The following FHIT variants were observed in gnomAD, a reference collection of about 807,000 sequenced individuals.
The protein encoded by FHIT is fragile histidine triad diadenosine triphosphatase.
FHIT carries 19 observed loss-of-function variants against 17.9 expected under a neutral mutation model. That is an observed-to-expected ratio of 1.06 (90% CI 0.74 to 1.56). The LOEUF (loss-of-function observed/expected upper bound fraction) is 1.56. FHIT is among the 40% of genes most tolerant of loss of function. FHIT has a pLI of 0.00. For missense variants in FHIT, 248 were observed against 189.2 expected, an observed-to-expected ratio of 1.31 and a Z score of -1.82; for synonymous variants, 81 against 69.7, an observed-to-expected ratio of 1.16 and a Z score of -0.81.
chr3:59,874,562 T>A (rs930378586), intron 8 of FHIT, among the ~76,000 whole-genome samples: 22 of 152,164 alleles, frequency 1.4e-4, no homozygotes, highest in African/African-American at 5.3e-4. Flanking sequence ...GCTCCCTGCT[T>A]ATTCCCTCAC....
At chr3:59,934,493 G>C (rs1006626555) in intron 7 of FHIT, among the ~76,000 whole-genome samples, 1 of 152,024 alleles carries the variant, frequency 6.6e-6, no homozygotes, top group African/African-American at 2.4e-5. Flanking sequence ...ATTATCTTTT[G>C]GCTTCTGATT....
chr3:60,159,220 A>C (rs1284564245), intron 5 of FHIT, among the ~76,000 whole-genome samples: 1 of 152,264 alleles, frequency 6.6e-6, no homozygotes, highest in East Asian at 1.9e-4. Flanking sequence ...TCCTGGGCTC[A>C]GATGATCCTC....
chr3:60,674,748 C>T (rs1267646378), intron 4 of FHIT, among the ~76,000 whole-genome samples: 1 of 152,168 alleles, frequency 6.6e-6, no homozygotes, highest in Non-Finnish European at 1.5e-5. Context: ...CGTCTCCCAT[C>T]TCTGGGCAAC....
At chr3:60,743,879 T>A (rs577986740) in intron 4 of FHIT, among the ~76,000 whole-genome samples, 1 of 152,156 alleles carries the variant, frequency 6.6e-6, no homozygotes, top group Non-Finnish European at 1.5e-5. Flanking sequence ...GCTCGCTCTG[T>A]TTGGCTGGAC....
intron 5 of FHIT, among the ~76,000 whole-genome samples, chr3:60,284,541 T>C (rs988069482): frequency 6.6e-6 from 1 of 152,128 alleles, no homozygotes; most frequent in Non-Finnish European, 1.5e-5. Context: ...AATCATGTTA[T>C]GAAACATGGT....
At chr3:59,892,606 A>G (rs555214052) in intron 8 of FHIT, among the ~76,000 whole-genome samples, 52 of 152,328 alleles carry the variant, frequency 3.4e-4, no homozygotes, top group African/African-American at 1.2e-3. Context: ...ACAAGATTAC[A>G]AAGTAGTATT....
chr3:60,203,385 T>A (rs1207924598), intron 5 of FHIT, among the ~76,000 whole-genome samples: 1 of 152,164 alleles, frequency 6.6e-6, no homozygotes, highest in African/African-American at 2.4e-5. Flanking sequence ...TGTATGATAA[T>A]AAATATCCCT....
intron 5 of FHIT, among the ~76,000 whole-genome samples, chr3:60,535,365 T>G (rs2107596433): frequency 6.6e-6 from 1 of 152,310 alleles, no homozygotes; most frequent in African/African-American, 2.4e-5. Context: ...AAAAGTCAGT[T>G]AAAGCTGGCA....
chr3:60,466,246 T>C (rs1161865589), intron 5 of FHIT, among the ~76,000 whole-genome samples: 2 of 152,118 alleles, frequency 1.3e-5, no homozygotes, highest in South Asian at 2.1e-4. Context: ...ATCTTGCAAC[T>C]GTACTCAATT....
intron 3 of FHIT, among the ~76,000 whole-genome samples, chr3:60,944,933 G>A (rs1171070452): frequency 6.6e-6 from 1 of 152,138 alleles, no homozygotes; most frequent in Non-Finnish European, 1.5e-5. Context: ...AGGCACTAAG[G>A]ATACAGAAGT....
intron 8 of FHIT, among the ~76,000 whole-genome samples, chr3:59,769,563 T>C (rs1187122719): frequency 6.6e-6 from 1 of 152,212 alleles, no homozygotes; most frequent in African/African-American, 2.4e-5. Context: ...TCAGTATATA[T>C]AATTACTTAC....
intron 2 of FHIT, among the ~76,000 whole-genome samples, chr3:61,093,841 G>C (rs376044544): frequency 3.9e-5 from 6 of 152,268 alleles, no homozygotes; most frequent in African/African-American, 1.2e-4. Flanking sequence ...TCAACCCTAA[G>C]AGTTAGGTAC....
At chr3:60,216,795 CT>C (rs1703719414) in intron 5 of FHIT, among the ~76,000 whole-genome samples, 2 of 152,206 alleles carry the variant, frequency 1.3e-5, no homozygotes, top group Middle Eastern at 3.4e-3. Flanking sequence ...TCTGCTTACC[CT>C]TTCCTGCTAC....
chr3:60,109,142 G>GTAGA (rs34381141), intron 5 of FHIT, among the ~76,000 whole-genome samples: 1 of 151,738 alleles, frequency 6.6e-6, no homozygotes, highest in Non-Finnish European at 1.5e-5. Flanking sequence ...GTAGGGGCAG[G>GTAGA]GAGAGAGAGA....
chr3:60,773,137 G>A (rs782530742), intron 4 of FHIT, among the ~76,000 whole-genome samples: 3 of 152,092 alleles, frequency 2.0e-5, no homozygotes, highest in Admixed American at 6.5e-5. Flanking sequence ...AGAACCCACT[G>A]GGTGGTCACA....
intron 4 of FHIT, among the ~76,000 whole-genome samples, chr3:60,695,653 C>T (rs1193572907): frequency 1.3e-5 from 2 of 152,120 alleles, no homozygotes; most frequent in African/African-American, 4.8e-5. Context: ...AGTGCCTAAT[C>T]CCTAACAAGA....
chr3:61,010,396 T>C (rs536629520), intron 3 of FHIT, among the ~76,000 whole-genome samples: 1 of 152,188 alleles, frequency 6.6e-6, no homozygotes, highest in East Asian at 1.9e-4. Context: ...TCTTACAAAA[T>C]GCTTTACATG....
At chr3:60,273,927 A>C (rs1291615233) in intron 5 of FHIT, among the ~76,000 whole-genome samples, 1 of 152,006 alleles carries the variant, frequency 6.6e-6, no homozygotes, top group African/African-American at 2.4e-5. Context: ...GTGTAGATTA[A>C]ATATTAAAAT....
At chr3:60,440,531 C>T (rs1021531935) in intron 5 of FHIT, among the ~76,000 whole-genome samples, 5 of 152,034 alleles carry the variant, frequency 3.3e-5, no homozygotes, top group South Asian at 2.1e-4. Flanking sequence ...TCATTTAATT[C>T]GCTCAGCAAT....
Sources: allele counts gnomAD v4.1 joint callset (sites outside exome capture counted in the v4.1 genomes callset), GRCh38; gene constraint gnomAD v4.1.1; transcripts MANE v1.5; gene names NCBI Gene and HGNC (gene_info 2026-07-23, HGNC 2026-07-21).